The following CACNA2D1 variants were observed in gnomAD, a reference collection of about 807,000 sequenced individuals.
CACNA2D1 encodes voltage-dependent calcium channel subunit alpha-2/delta-1.
CACNA2D1 carries 53 observed loss-of-function variants against 171.5 expected under a neutral mutation model. The observed-to-expected ratio is 0.31, with a 90% confidence interval of 0.25 to 0.39. The LOEUF (loss-of-function observed/expected upper bound fraction) is 0.39. CACNA2D1 is among the 10% of genes least tolerant of loss of function. CACNA2D1 has a pLI of 1.00. For synonymous variants in CACNA2D1, 442 were observed against 443.1 expected (o/e 1.00, Z 0.03); for missense variants, 903 against 1,299.8 (o/e 0.69, Z 4.69).
chr7:82,218,787 T>C (rs1454656433), intron 3 of CACNA2D1, among the ~76,000 whole-genome samples: 1 of 152,204 alleles, frequency 6.6e-6, no homozygotes, highest in African/African-American at 2.4e-5. Context: ...TCTTAAACTC[T>C]ATCAATAAAC....
chr7:82,268,558 C>T lies in CACNA2D1; in HGVS notation c.294+66577G>A, dbSNP rs550286709. On this transcript the variant is annotated intron_variant, in intron 3 of 38. Transcript: ENST00000356860. ...TTCGCTTCTTCTTATTCAACCAAAA[C>T]CAGAAATATCAAAACAGAAGAGTTA... Among the ~76,000 whole-genome samples, 6 of 151,914 alleles carry T rather than the reference C, an allele frequency of 3.9e-5. No homozygotes were observed. The South Asian group carries it at 1.2e-3, about 32-fold the overall frequency.
At chr7:82,408,974 T>A (rs965056514) in intron 1 of CACNA2D1, among the ~76,000 whole-genome samples, 2 of 151,616 alleles carry the variant, frequency 1.3e-5, no homozygotes, top group East Asian at 3.9e-4. Context: ...TTCATAAATG[T>A]CATAGCTTCT....
chr7:82,295,944 T>C lies in CACNA2D1; in HGVS notation c.294+39191A>G, dbSNP rs1812224272. On this transcript the variant is annotated intron_variant, in intron 3 of 38. Transcript: ENST00000356860. ...CTATGCAGCCATAAAAAATGATGAG[T>C]TCATGTCCTTTGTAGGGACATGGAT... is the stretch of plus-strand genomic sequence containing the variant. Among the ~76,000 whole-genome samples, 2 of 151,774 alleles carry C rather than the reference T, an allele frequency of 1.3e-5. 1 individual carries two copies. Among genetic ancestry groups the C allele is most frequent in the South Asian group, 4.2e-4 (2 of 4,796 alleles).
At chr7:82,205,354 G>GA (rs1799909576) in intron 3 of CACNA2D1, among the ~76,000 whole-genome samples, 1 of 151,940 alleles carries the variant, frequency 6.6e-6, no homozygotes, top group African/African-American at 2.4e-5. Flanking sequence ...GGCTTGGGGG[G>GA]AATCTTTTGC....
At chr7:82,006,670 T>G (rs902698099) in intron 16 of CACNA2D1, among the ~76,000 whole-genome samples, 7 of 152,040 alleles carry the variant, frequency 4.6e-5, no homozygotes, top group African/African-American at 1.4e-4. Context: ...AGCAAAAACT[T>G]CCCAACTGAA....
intron 2 of CACNA2D1, among the ~76,000 whole-genome samples, chr7:82,343,892 C>A (rs922526840): frequency 2.0e-5 from 3 of 152,162 alleles, no homozygotes; most frequent in Non-Finnish European, 4.4e-5. Context: ...GCCAATAAAA[C>A]AATTTTTAAA....
intron 5 of CACNA2D1, among the ~76,000 whole-genome samples, chr7:82,123,897 A>G (rs1790026659): frequency 6.6e-6 from 1 of 152,146 alleles, no homozygotes; most frequent in South Asian, 2.1e-4. Context: ...GCTACCACTT[A>G]GTAGAGAATA....
At chr7:82,219,688 T>A (rs1801542377) in intron 3 of CACNA2D1, among the ~76,000 whole-genome samples, 1 of 152,136 alleles carries the variant, frequency 6.6e-6, no homozygotes, top group Non-Finnish European at 1.5e-5. Flanking sequence ...GTCATAATAG[T>A]TAAAATAACT....
intron 18 of CACNA2D1, among the ~76,000 whole-genome samples, chr7:82,001,966 T>C (rs1166920219): frequency 6.9e-6 from 1 of 145,738 alleles, no homozygotes; most frequent in Non-Finnish European, 1.5e-5. Context: ...AAAGTACGTA[T>C]TTGGGAAGTG....
intron 3 of CACNA2D1, among the ~76,000 whole-genome samples, chr7:82,317,150 T>C (rs1815225639): frequency 6.6e-6 from 1 of 152,224 alleles, no homozygotes; most frequent in South Asian, 2.1e-4. Context: ...CATTTATATA[T>C]AAGCTACCAA....
At chr7:82,362,771 A>G (rs560454833) in intron 1 of CACNA2D1, among the ~76,000 whole-genome samples, 70 of 152,350 alleles carry the variant, frequency 4.6e-4, no homozygotes, top group African/African-American at 1.4e-3. Flanking sequence ...CAAGTAATAA[A>G]TAATATTTTC....
intron 3 of CACNA2D1, among the ~76,000 whole-genome samples, chr7:82,250,499 T>C (rs1171961763): frequency 6.6e-6 from 1 of 152,206 alleles, no homozygotes; most frequent in African/African-American, 2.4e-5. Context: ...AGTAGGTACA[T>C]ACAGGCAATT....
chr7:82,440,713 A>T (rs1255384071), intron 1 of CACNA2D1, among the ~76,000 whole-genome samples: 1 of 151,948 alleles, frequency 6.6e-6, no homozygotes, highest in African/African-American at 2.4e-5. Context: ...ATTAGAATGT[A>T]TGTTAAACAG....
chr7:82,056,808 T>G lies in CACNA2D1; in HGVS notation c.879+3620A>C, dbSNP rs144994691. 1.4e-4 allele frequency among the ~76,000 whole-genome samples: 21 copies of G among 152,252 alleles called. No individual in the cohort carries two copies. In the East Asian group the frequency reaches 4.1e-3, roughly 29 times the overall value. ...TCCCCTTTCTTGTTCACAGATGAGG[T>G]GTCATCAAGTATCACTAATCCTCAG... On this transcript the variant is annotated intron_variant, in intron 10 of 38. Transcript: ENST00000356860.
At chr7:81,972,718 C>G (rs1229506) in intron 25 of CACNA2D1, among the ~76,000 whole-genome samples, 44,621 of 151,764 alleles carry the variant, frequency 0.29, 7,427 homozygotes, top group Non-Finnish European at 0.38. Flanking sequence ...CTCTGAAATA[C>G]CCTAACAGGT....
At chr7:82,106,792 T>G (rs188206981) in intron 6 of CACNA2D1, among the ~76,000 whole-genome samples, 1 of 152,174 alleles carries the variant, frequency 6.6e-6, no homozygotes, top group Non-Finnish European at 1.5e-5. Flanking sequence ...TGTGGAAAAA[T>G]ATATGATATG....
chr7:82,064,062 T>C (rs892692921), intron 9 of CACNA2D1, among the ~76,000 whole-genome samples: 3 of 152,014 alleles, frequency 2.0e-5, no homozygotes, highest in African/African-American at 7.2e-5. Context: ...ATTTCATATT[T>C]AACATTATAT....
intron 8 of CACNA2D1, among the ~76,000 whole-genome samples, 174 bp downstream of exon 8, chr7:82,066,281 C>A (rs1807586638): frequency 6.6e-6 from 1 of 151,840 alleles, no homozygotes; most frequent in African/African-American, 2.4e-5. Flanking sequence ...TTAGCATTAC[C>A]CACTTGAACT....
chr7:82,169,038 G>A (rs578120897), intron 4 of CACNA2D1, among the ~76,000 whole-genome samples: 4 of 152,056 alleles, frequency 2.6e-5, no homozygotes, highest in African/African-American at 7.2e-5. Flanking sequence ...TACCATGCAC[G>A]CTTTATGTTG....
Sources: allele counts gnomAD v4.1 joint callset (sites outside exome capture counted in the v4.1 genomes callset), GRCh38; gene constraint gnomAD v4.1.1; transcripts MANE v1.5; gene names NCBI Gene and HGNC (gene_info 2026-07-23, HGNC 2026-07-21).